Variants in NUP85 observed in about 807,000 individuals in gnomAD.
The protein encoded by NUP85 is nucleoporin 85, also known as nuclear pore complex protein Nup85.
Under a neutral mutation model 92.8 loss-of-function variants are expected in NUP85, and 23 were observed. That is an observed-to-expected ratio of 0.25 (90% CI 0.18 to 0.35). NUP85 has a LOEUF of 0.35. NUP85 is among the 10% of genes least tolerant of loss of function. The pLI, the probability that NUP85 is intolerant of heterozygous loss-of-function variation, is 1.00. For synonymous variants in NUP85, 314 were observed against 306.9 expected, an observed-to-expected ratio of 1.02 and a Z score of -0.24; for missense variants, 759 against 822.8, an observed-to-expected ratio of 0.92 and a Z score of 0.95.
In NUP85 at chr17:75,231,261, G is replaced by C; in HGVS notation, c.1095-79G>C. On this transcript the variant is annotated intron_variant, in intron 11 of 18. Coordinates refer to ENST00000245544, the MANE Select transcript of NUP85 (RefSeq NM_024844.5). The surrounding 1 kb of genome is among the most constrained non-coding windows in gnomAD (Gnocchi z 4.6). Reference sequence around the variant, plus strand: ...CTCTTTGAGGGACAGGACATGTGGGGTTTCTTGCTCACCCCCACTCTTGTG... The same window carrying C: ...CTCTTTGAGGGACAGGACATGTGGGCTTTCTTGCTCACCCCCACTCTTGTG... The C allele has an allele frequency of 7.4e-7, 1 of 1,354,742 alleles. No individual in the cohort carries two copies. Among genetic ancestry groups the C allele is most frequent in the Non-Finnish European group, 1.1e-6 (1 of 947,304 alleles). The allele number at this position is 1,354,742 out of a possible 1,614,324, so 83.9% of individuals were successfully genotyped here. A position where few individuals can be genotyped will look rare whatever the true frequency, so the allele number is the denominator to read the frequency against.
rs938075094 is a variant in NUP85 at position 75,225,333 on chromosome 17, C to A, written c.733-9C>A. The A allele has an allele frequency of 1.2e-6, 2 of 1,614,054 alleles. No individual in the cohort carries two copies. Among genetic ancestry groups the A allele is most frequent in the African/African-American group, 2.7e-5 (2 of 74,932 alleles). Reference sequence around the variant, plus strand: ...TGGGATGACGTCTCATGGCTGGTCTCTCCCTTAGCCCGGGAACACCCAGAC... The same window carrying A: ...TGGGATGACGTCTCATGGCTGGTCTATCCCTTAGCCCGGGAACACCCAGAC... On this transcript the variant is annotated splice_polypyrimidine_tract_variant and intron_variant, in intron 8 of 18. Transcript: ENST00000245544.
intron 17 of NUP85, 103 bp from the exon 18 acceptor site, chr17:75,234,997 T>C: frequency 9.4e-7 from 1 of 1,067,712 alleles, no homozygotes; most frequent in East Asian, 2.4e-5. Context: ...AAGCACACTA[T>C]TGCGAAGGGT....
chr17:75,227,456 C>G (rs2075858709), intron 11 of NUP85, among the ~76,000 whole-genome samples: 1 of 150,518 alleles, frequency 6.6e-6, no homozygotes, highest in South Asian at 2.1e-4. Flanking sequence ...CTGCCTCAGT[C>G]TCCCAAGTAG....
chr17:75,232,578 A>C (rs1173443423), intron 14 of NUP85, among the ~76,000 whole-genome samples: 1 of 152,176 alleles, frequency 6.6e-6, no homozygotes, highest in African/African-American at 2.4e-5. Flanking sequence ...AAAAAATAGA[A>C]GAGCTGACAT....
rs746134836 is a variant in NUP85, at chr17:75,212,079, CGTGCGCGCGTGT to C, written c.361+21_361+32del. 161 of 1,470,218 alleles carry C rather than the reference CGTGCGCGCGTGT, an allele frequency of 1.1e-4. No individual in the cohort carries two copies. The East Asian group carries it at 3.8e-3, about 35-fold the overall frequency. 91.1% of individuals were successfully genotyped at this position (1,470,218 alleles called of 1,614,324 possible). A position where few individuals can be genotyped will look rare whatever the true frequency, so the allele number is the denominator to read the frequency against. On this transcript the variant is annotated intron_variant, in intron 4 of 18. Coordinates refer to ENST00000245544, the MANE Select transcript of NUP85 (RefSeq NM_024844.5). The stretch of plus-strand genomic sequence containing the variant: ...AGGTTGCAAGTAAGGACTGTGTGCG[CGTGCGCGCGTGT>C]GTGTGTGTGTGTGTGTGTGGGTATT...
At chr17:75,217,614 A>G (rs569098040) in intron 6 of NUP85, among the ~76,000 whole-genome samples, 9 of 151,772 alleles carry the variant, frequency 5.9e-5, no homozygotes, top group African/African-American at 1.9e-4. Context: ...GGTTCAAGCA[A>G]TTCTGCCTTA....
chr17:75,209,444 T>G (rs899190730), intron 2 of NUP85, among the ~76,000 whole-genome samples: 8 of 112,090 alleles, frequency 7.1e-5, no homozygotes, highest in African/African-American at 1.5e-4. Context: ...TGATTTGCTT[T>G]CTTTTTTTTT....
chr17:75,220,589 T>C (rs2075569206), intron 7 of NUP85, among the ~76,000 whole-genome samples: 1 of 151,318 alleles, frequency 6.6e-6, no homozygotes, highest in Non-Finnish European at 1.5e-5. Context: ...AAGTTTTTAT[T>C]TATTTATTTA....
At chr17:75,225,589 A>G (rs2145354430) in intron 9 of NUP85, 109 bp from the exon 10 acceptor site, 1 of 1,573,996 alleles carries the variant, frequency 6.4e-7, no homozygotes, top group East Asian at 2.2e-5. Flanking sequence ...CGTGATGGCG[A>G]GAGCTTTCAG....
Position 75,215,789 on chromosome 17 carries a change from C to T in NUP85, c.441C>T (p.Asn147=). 6.2e-7 allele frequency: 1 copy of T among 1,614,032 alleles called. No individual in the cohort carries two copies. Among genetic ancestry groups the T allele is most frequent in the Non-Finnish European group, 8.5e-7 (1 of 1,179,900 alleles). The change falls in exon 6 of 19, where the codon AAC becomes AAT. Residue 147 remains asparagine, a synonymous_variant. Coordinates refer to ENST00000245544, the MANE Select transcript of NUP85 (RefSeq NM_024844.5). ...SILSAMELIW[N]LCEILFIEVA... Reference sequence around the variant, plus strand: ...TGTCAGCAATGGAGCTCATCTGGAACCTGTGTGAGATTCTTTTTATTGAAG... The same window carrying T: ...TGTCAGCAATGGAGCTCATCTGGAATCTGTGTGAGATTCTTTTTATTGAAG...
At chr17:75,221,921 T>A (rs1181143789) in intron 7 of NUP85, among the ~76,000 whole-genome samples, 1 of 152,136 alleles carries the variant, frequency 6.6e-6, no homozygotes, top group Non-Finnish European at 1.5e-5. Flanking sequence ...GGTTTGCTGA[T>A]GGATTGATTT....
chr17:75,221,659 G>A (rs934998537), intron 7 of NUP85, among the ~76,000 whole-genome samples: 4 of 152,188 alleles, frequency 2.6e-5, no homozygotes, highest in Non-Finnish European at 5.9e-5. Context: ...GGACATAAAT[G>A]TGGGTGAAGT....
chr17:75,211,961 C>T, intron 3 of NUP85, 31 bp from the exon 4 acceptor site: 1 of 1,534,374 alleles, frequency 6.5e-7, no homozygotes, highest in Non-Finnish European at 9.0e-7. Flanking sequence ...ATGTTCCAGG[C>T]TCATCTTGTG....
chr17:75,207,825 T>TA lies in NUP85; in HGVS notation c.34-695dup, dbSNP rs199526253. ...CAACATGGTGAAACCCCATCTCTAC[T>TA]AAAAAAATACAAAAATTAGCCTGGT... On this transcript the variant is annotated intron_variant, in intron 1 of 18. Coordinates refer to ENST00000245544, the MANE Select transcript of NUP85 (RefSeq NM_024844.5). Among the ~76,000 whole-genome samples the TA allele has an allele frequency of 2.5e-3, 377 of 151,766 alleles. 3 individuals carry two copies. The East Asian group carries it at 0.031, about 13-fold the overall frequency.
Position 75,211,224 on chromosome 17 carries a change from A to C in NUP85, c.291-768A>C, listed in dbSNP as rs142505484. The stretch of plus-strand genomic sequence containing the variant: ...CATCATTTTGGCTGGGCTGGTCTTG[A>C]ACTCCTGACCTCAAGTGATCTGCCC... On this transcript the variant is annotated intron_variant, in intron 3 of 18. Coordinates refer to ENST00000245544, the MANE Select transcript of NUP85 (RefSeq NM_024844.5). Among the ~76,000 whole-genome samples, 435 of 151,180 alleles carry C rather than the reference A, an allele frequency of 2.9e-3. 4 individuals are homozygous for C. The highest frequency in any genetic ancestry group is 9.8e-3 in the African/African-American group (404 of 41,142).
Position 75,212,276 on chromosome 17 carries a change from T to G in NUP85, c.361+214T>G, listed in dbSNP as rs1305866761. The stretch of plus-strand genomic sequence containing the variant: ...TTTTTTTTTTTTTTTTTTTTTTTTT[T>G]TTTTTTTTTTGAGACCGAGTGTTGC... On this transcript the variant is annotated intron_variant, in intron 4 of 18. Coordinates refer to ENST00000245544, the MANE Select transcript of NUP85 (RefSeq NM_024844.5). Among the ~76,000 whole-genome samples, 42 of 87,668 alleles carry G rather than the reference T, an allele frequency of 4.8e-4. 4 individuals carry two copies. Among genetic ancestry groups the G allele is most frequent in the Non-Finnish European group, 2.6e-4 (12 of 45,798 alleles). The allele number at this position is 87,668 out of a possible 152,430, so 57.5% of individuals were successfully genotyped here.
intron 18 of NUP85, 56 bp from the exon 19 acceptor site, chr17:75,235,520 GGA>G: frequency 8.1e-7 from 1 of 1,238,150 alleles, no homozygotes; most frequent in Non-Finnish European, 1.2e-6. Context: ...AGACCCTTCG[GGA>G]GTGTGAAAGG....
chr17:75,225,918 C>A, intron 10 of NUP85, 89 bp downstream of exon 10: 2 of 1,595,794 alleles, frequency 1.3e-6, no homozygotes, highest in Non-Finnish European at 8.6e-7. Flanking sequence ...CCCTGAGGAA[C>A]AGGAAGACCC....
At chr17:75,225,074 A>C in intron 7 of NUP85, 29 bp from the exon 8 acceptor site, 1 of 1,518,186 alleles carries the variant, frequency 6.6e-7, no homozygotes, top group Non-Finnish European at 8.8e-7. Context: ...GCCTCCTGCC[A>C]ATGCTTATGG....
Sources: allele counts gnomAD v4.1 joint callset (sites outside exome capture counted in the v4.1 genomes callset), GRCh38; gene constraint gnomAD v4.1.1; non-coding constraint Gnocchi (gnomAD v3.1); transcripts MANE v1.5; gene names NCBI Gene and HGNC (gene_info 2026-07-23, HGNC 2026-07-21).